Variants in PLCL1 observed in about 807,000 individuals in gnomAD.
PLCL1 encodes phospholipase C like 1 (inactive).
PLCL1 carries 41 observed loss-of-function variants against 84.4 expected under a neutral mutation model. That is an observed-to-expected ratio of 0.49 (90% CI 0.38 to 0.63). The LOEUF (loss-of-function observed/expected upper bound fraction) is 0.63. Ranked by LOEUF, PLCL1 falls within the 30% of genes least tolerant of loss-of-function variation. The pLI is 0.00. For synonymous variants in PLCL1, 490 were observed against 488.3 expected, an observed-to-expected ratio of 1.00 and a Z score of -0.05; for missense variants, 1,206 against 1,367.8, an observed-to-expected ratio of 0.88 and a Z score of 1.87.
chr2:198,139,304 T>C (rs755674843), intron 5 of PLCL1, among the ~76,000 whole-genome samples: 3 of 152,258 alleles, frequency 2.0e-5, no homozygotes, highest in Non-Finnish European at 4.4e-5. Flanking sequence ...AGGTTGTTTC[T>C]TTCCTTCTTT....
At chr2:197,964,744 T>G (rs1850631) in intron 1 of PLCL1, among the ~76,000 whole-genome samples, 109,394 of 152,018 alleles carry the variant, frequency 0.72, 40,291 homozygotes, top group African/African-American at 0.87. Flanking sequence ...CTTTTATTAT[T>G]TTGAGGTATG....
chr2:198,014,639 T>A (rs1056830296), intron 1 of PLCL1, among the ~76,000 whole-genome samples: 13 of 152,128 alleles, frequency 8.5e-5, no homozygotes, highest in South Asian at 6.2e-4. Flanking sequence ...TGAATTTTTT[T>A]AAATAGATAA....
chr2:197,937,016 C>A (rs1023334204), intron 1 of PLCL1, among the ~76,000 whole-genome samples: 1 of 152,108 alleles, frequency 6.6e-6, no homozygotes, highest in African/African-American at 2.4e-5. Context: ...CCAGTTTTCC[C>A]AGAACTATTT....
chr2:197,862,692 GA>G (rs1224666017), intron 1 of PLCL1, among the ~76,000 whole-genome samples: 4 of 152,096 alleles, frequency 2.6e-5, no homozygotes, highest in African/African-American at 4.8e-5. Flanking sequence ...AAGTACAATA[GA>G]AAAGAATGGT....
chr2:198,135,301 G>T (rs1044659552), intron 5 of PLCL1, among the ~76,000 whole-genome samples: 1 of 152,046 alleles, frequency 6.6e-6, no homozygotes, highest in Non-Finnish European at 1.5e-5. Context: ...TGCTAATCAC[G>T]ATCTGTTACT....
At chr2:197,842,849 T>C (rs1006659397) in intron 1 of PLCL1, among the ~76,000 whole-genome samples, 1 of 152,166 alleles carries the variant, frequency 6.6e-6, no homozygotes, top group Admixed American at 6.6e-5. Context: ...AGTTATAAGG[T>C]AGAACCTTTT....
At chr2:197,845,422 A>G (rs1036051627) in intron 1 of PLCL1, among the ~76,000 whole-genome samples, 14 of 152,138 alleles carry the variant, frequency 9.2e-5, no homozygotes, top group African/African-American at 3.4e-4. Flanking sequence ...ATTGGCATAG[A>G]AATGTTGGCC....
chr2:197,902,751 A>G (rs1688293325), intron 1 of PLCL1, among the ~76,000 whole-genome samples: 1 of 152,182 alleles, frequency 6.6e-6, no homozygotes, highest in African/African-American at 2.4e-5. Flanking sequence ...GGGACAGCAT[A>G]TGGGGAGTTC....
intron 1 of PLCL1, among the ~76,000 whole-genome samples, chr2:197,926,585 A>G (rs1031084659): frequency 2.0e-5 from 3 of 152,172 alleles, no homozygotes; most frequent in African/African-American, 4.8e-5. Flanking sequence ...AACCGTGACC[A>G]TAAATAAAAA....
intron 5 of PLCL1, among the ~76,000 whole-genome samples, chr2:198,113,707 C>T (rs1034977878): frequency 2.6e-5 from 4 of 151,826 alleles, no homozygotes; most frequent in African/African-American, 7.3e-5. Context: ...GAAAAGAAAA[C>T]ACATCAAAAT....
intron 1 of PLCL1, among the ~76,000 whole-genome samples, chr2:198,070,725 G>A (rs894861635): frequency 1.3e-5 from 2 of 151,366 alleles, no homozygotes; most frequent in Non-Finnish European, 3.0e-5. Context: ...TGAACTCCTG[G>A]GCTCTTTGAA....
chr2:197,998,829 C>T (rs577165870), intron 1 of PLCL1, among the ~76,000 whole-genome samples: 7 of 152,278 alleles, frequency 4.6e-5, no homozygotes, highest in Admixed American at 3.3e-4. Flanking sequence ...CACTGTCTTA[C>T]GATCTTGATC....
At chr2:197,901,318 A>G (rs1177228061) in intron 1 of PLCL1, among the ~76,000 whole-genome samples, 1 of 152,238 alleles carries the variant, frequency 6.6e-6, no homozygotes, top group Non-Finnish European at 1.5e-5. Flanking sequence ...TCTAGCAGAA[A>G]AGGCAAAAAT....
intron 1 of PLCL1, among the ~76,000 whole-genome samples, chr2:197,969,178 G>A (rs1689807747): frequency 6.6e-6 from 1 of 152,218 alleles, no homozygotes; most frequent in Admixed American, 6.5e-5. Flanking sequence ...CTGGTCCATG[G>A]AAAAATTATC....
intron 1 of PLCL1, among the ~76,000 whole-genome samples, chr2:197,849,819 A>C (rs1047525575): frequency 6.6e-6 from 1 of 152,190 alleles, no homozygotes; most frequent in Non-Finnish European, 1.5e-5. Flanking sequence ...CCTTAAATCA[A>C]TACAGAAATG....
In PLCL1 at chr2:198,094,263, A is replaced by G. The variant is rs192560142; in HGVS notation, c.2919+5202A>G. On this transcript the variant is annotated intron_variant, in intron 3 of 5. Coordinates refer to ENST00000428675, the MANE Select transcript of PLCL1 (RefSeq NM_006226.4). ...TTTTTAGTAGAGACAGGGTTTCACC[A>G]TGTTAGCCAGGATGGTCTTGATCTC... Among the ~76,000 whole-genome samples the G allele has an allele frequency of 9.6e-3, 1,454 of 152,152 alleles. 22 individuals are homozygous for G. Among genetic ancestry groups the G allele is most frequent in the African/African-American group, 0.031 (1,302 of 41,502 alleles).
At chr2:198,140,378 C>T in intron 5 of PLCL1, among the ~76,000 whole-genome samples, 1 of 152,038 alleles carries the variant, frequency 6.6e-6, no homozygotes, top group East Asian at 1.9e-4. Context: ...ATAAAATTGT[C>T]TCCTTATATT....
At chr2:197,999,433 C>T (rs1690548462) in intron 1 of PLCL1, among the ~76,000 whole-genome samples, 2 of 152,172 alleles carry the variant, frequency 1.3e-5, no homozygotes, top group South Asian at 4.1e-4. Flanking sequence ...AAGTGGCTCT[C>T]CCTGTAGCCT....
At chr2:198,027,440 A>C (rs1034945929) in intron 1 of PLCL1, among the ~76,000 whole-genome samples, 1 of 152,204 alleles carries the variant, frequency 6.6e-6, no homozygotes, top group African/African-American at 2.4e-5. Flanking sequence ...CAACATATTG[A>C]CTATAGTTAA....
Sources: allele counts gnomAD v4.1 joint callset (sites outside exome capture counted in the v4.1 genomes callset), GRCh38; gene constraint gnomAD v4.1.1; transcripts MANE v1.5; gene names NCBI Gene and HGNC (gene_info 2026-07-23, HGNC 2026-07-21).